Variants in ERGIC1 observed in about 807,000 individuals in gnomAD.
ERGIC1 encodes endoplasmic reticulum-golgi intermediate compartment 1.
In ERGIC1, 19 loss-of-function variants were observed where a neutral mutation model predicts 38.3. The ratio of observed to expected loss-of-function variants is 0.50; its 90% CI spans 0.35 to 0.73. The LOEUF (loss-of-function observed/expected upper bound fraction) is 0.73, where lower values mean the gene tolerates loss of function less well. Ranked by LOEUF, ERGIC1 falls within the 30% of genes least tolerant of loss-of-function variation. The pLI is 0.01. For missense variants in ERGIC1, 294 were observed against 389.2 expected, an observed-to-expected ratio of 0.76 and a Z score of 2.06; for synonymous variants, 124 against 157.6, an observed-to-expected ratio of 0.79 and a Z score of 1.60.
chr5:172,920,408 A>G (rs763265471), intron 5 of ERGIC1: 5 of 717,670 alleles, frequency 7.0e-6, no homozygotes, highest in Middle Eastern at 2.3e-4. Context: ...TGTTTTGAGC[A>G]GCAGCGGCAG....
intron 4 of ERGIC1, 108 bp from the exon 5 acceptor site, chr5:172,914,606 C>G: frequency 1.3e-6 from 2 of 1,589,228 alleles, no homozygotes; most frequent in Middle Eastern, 1.7e-4. Flanking sequence ...GTCCCCAGCC[C>G]GGCCTGCCCC....
rs576216450 is a variant in ERGIC1, at chr5:172,924,414, C to T, written c.480+305C>T. Among the ~76,000 whole-genome samples, 43 of 152,256 alleles carry T rather than the reference C, an allele frequency of 2.8e-4. No homozygotes were observed. The Middle Eastern group carries it at 0.01, about 36-fold the overall frequency. ...GTATGTGACACGGCATGTTCTGTGCCGAGATGGTCCAGGGCACAAGGGCTC... is the reference window on the plus strand; with the variant it reads ...GTATGTGACACGGCATGTTCTGTGCTGAGATGGTCCAGGGCACAAGGGCTC... On this transcript the variant is annotated intron_variant, in intron 6 of 9. Transcript: ENST00000393784.
Position 172,941,374 on chromosome 5 carries a change from G to GC in ERGIC1, c.765+6071dup, listed in dbSNP as rs544713959. ...AGTAATTACATAGTTACCTCTTTTA[G>GC]CCCCCCCAGCAACCTCTCAAGGTAG... is the stretch of plus-strand genomic sequence containing the variant. On this transcript the variant is annotated intron_variant, in intron 9 of 9. Coordinates refer to ENST00000393784, the MANE Select transcript of ERGIC1 (RefSeq NM_001031711.3). Among the ~76,000 whole-genome samples the GC allele has an allele frequency of 9.9e-5, 15 of 152,060 alleles. No homozygotes were observed. The East Asian group carries it at 1.9e-3, about 20-fold the overall frequency.
intron 3 of ERGIC1, among the ~76,000 whole-genome samples, chr5:172,903,980 C>CACAG (rs1181127317): frequency 6.6e-6 from 1 of 151,710 alleles, no homozygotes; most frequent in Non-Finnish European, 1.5e-5. Context: ...CACACACACA[C>CACAG]ACACACACAT....
At chr5:172,913,764 A>G (rs971307501) in intron 4 of ERGIC1, among the ~76,000 whole-genome samples, 14 of 152,182 alleles carry the variant, frequency 9.2e-5, no homozygotes, top group African/African-American at 3.4e-4. Context: ...TGGGGAAGCC[A>G]TCTGAGTCCC....
chr5:172,938,806 G>C, intron 9 of ERGIC1, among the ~76,000 whole-genome samples: 1 of 151,952 alleles, frequency 6.6e-6, no homozygotes, highest in East Asian at 1.9e-4. Flanking sequence ...GCTCACGCCT[G>C]TAATCCCAAC....
At chr5:172,840,655 A>T (rs912619371) in intron 1 of ERGIC1, among the ~76,000 whole-genome samples, 2 of 152,086 alleles carry the variant, frequency 1.3e-5, no homozygotes, top group African/African-American at 4.8e-5. Flanking sequence ...CTCCTGCATG[A>T]CCTTCGGCAA....
intron 1 of ERGIC1, among the ~76,000 whole-genome samples, chr5:172,859,618 A>G (rs1364738967): frequency 6.6e-6 from 1 of 152,144 alleles, no homozygotes; most frequent in Non-Finnish European, 1.5e-5. Flanking sequence ...GCTGCTGGTC[A>G]CTTCTTTGCC....
intron 2 of ERGIC1, among the ~76,000 whole-genome samples, chr5:172,893,745 C>T (rs975200382): frequency 2.7e-5 from 4 of 150,216 alleles, no homozygotes; most frequent in African/African-American, 4.9e-5. Context: ...CTCTGCCGTT[C>T]GAAAATGAAG....
chr5:172,858,203 G>A (rs1055058244), intron 1 of ERGIC1, among the ~76,000 whole-genome samples: 3 of 152,200 alleles, frequency 2.0e-5, no homozygotes, highest in Admixed American at 2.0e-4. Flanking sequence ...GGAGAGCATG[G>A]GCAAAGGCCC....
intron 1 of ERGIC1, among the ~76,000 whole-genome samples, chr5:172,838,711 C>T (rs900245250): frequency 6.6e-5 from 10 of 152,146 alleles, no homozygotes; most frequent in Non-Finnish European, 1.0e-4. Flanking sequence ...AGATCACAGG[C>T]ATGAGCCACT....
intron 1 of ERGIC1, among the ~76,000 whole-genome samples, chr5:172,864,523 AAGGATAAATACCACATTT>A (rs1162866621): frequency 6.6e-6 from 1 of 151,928 alleles, no homozygotes; most frequent in Non-Finnish European, 1.5e-5. Flanking sequence ...CAGGCAAGAG[AAGGATAAATACCACATTT>A]AGGAGAGTAT....
intron 9 of ERGIC1, among the ~76,000 whole-genome samples, chr5:172,947,743 T>C (rs1448982980): frequency 2.0e-5 from 3 of 152,180 alleles, no homozygotes; most frequent in African/African-American, 7.2e-5. Flanking sequence ...CTTTCCTGTG[T>C]ACCTCAATAC....
chr5:172,905,697 G>A (rs1431175804), intron 3 of ERGIC1, among the ~76,000 whole-genome samples: 2 of 152,148 alleles, frequency 1.3e-5, no homozygotes, highest in East Asian at 1.9e-4. Flanking sequence ...GGTCTGTGAC[G>A]ACTGCGATCA....
At chr5:172,924,924 G>A (rs192371154) in intron 6 of ERGIC1, among the ~76,000 whole-genome samples, 43 of 152,236 alleles carry the variant, frequency 2.8e-4, no homozygotes, top group African/African-American at 1.0e-3. Flanking sequence ...CAGTCTAGGG[G>A]GGAAGACAGA....
intron 2 of ERGIC1, among the ~76,000 whole-genome samples, chr5:172,889,362 T>G (rs1270032186): frequency 2.6e-5 from 4 of 152,030 alleles, no homozygotes; most frequent in African/African-American, 7.2e-5. Flanking sequence ...CTTTATACCT[T>G]AAAAATGATT....
chr5:172,947,366 G>A (rs1764146624), intron 9 of ERGIC1, among the ~76,000 whole-genome samples: 1 of 152,060 alleles, frequency 6.6e-6, no homozygotes, highest in Admixed American at 6.6e-5. Context: ...TTGTAGAGAT[G>A]GGGATCTCAC....
rs912829338 is a variant in ERGIC1 at position 172,950,906 on chromosome 5, A to T, written c.*90A>T. 1.7e-6 allele frequency: 2 copies of T among 1,171,420 alleles called. No individual in the cohort carries two copies. The highest frequency in any genetic ancestry group is 3.1e-5 in the African/African-American group (2 of 64,994). The allele number at this position is 1,171,420 out of a possible 1,614,324, so 72.6% of individuals were successfully genotyped here. A position where few individuals can be genotyped will look rare whatever the true frequency, so the allele number is the denominator to read the frequency against. On this transcript the variant is annotated 3_prime_UTR_variant, in exon 10 of 10. Transcript: ENST00000393784. ...TCCTTTGGCCCTCAATCTGGTCCCA[A>T]ATCTGGCTGTGTCCCAAAGGGTGTG... is the stretch of plus-strand genomic sequence containing the variant.
At chr5:172,884,492 C>T (rs77626912) in intron 1 of ERGIC1, among the ~76,000 whole-genome samples, 18,013 of 152,146 alleles carry the variant, frequency 0.12, 1,293 homozygotes, top group Middle Eastern at 0.19. Context: ...TGGCCTCAAG[C>T]GATCCCCCCA....
Sources: gnomAD v4.1 joint callset for allele counts (sites outside exome capture counted in the v4.1 genomes callset) on GRCh38, gnomAD v4.1.1 for gene constraint, MANE v1.5 for transcripts, NCBI Gene and HGNC (gene_info 2026-07-23, HGNC 2026-07-21) for gene names.